Variants in SEZ6L observed in about 807,000 individuals in gnomAD.
The protein encoded by SEZ6L is seizure 6-like protein.
Under a neutral mutation model 106.2 loss-of-function variants are expected in SEZ6L, and 37 were observed. The ratio of observed to expected loss-of-function variants is 0.35; its 90% CI spans 0.27 to 0.46. SEZ6L has a LOEUF of 0.46. SEZ6L is among the 20% of genes least tolerant of loss of function. The pLI, the probability that SEZ6L is intolerant of heterozygous loss-of-function variation, is 1.00. For missense variants in SEZ6L, 1,172 were observed against 1,332.8 expected (o/e 0.88, Z 1.88); for synonymous variants, 541 against 570.4 (o/e 0.95, Z 0.73).
At chr22:26,285,248 G>A (rs1225463696) in intron 1 of SEZ6L, among the ~76,000 whole-genome samples, 1 of 152,172 alleles carries the variant, frequency 6.6e-6, no homozygotes, top group Non-Finnish European at 1.5e-5. Context: ...AGTGCAGAAT[G>A]AATGAATGAA....
intron 1 of SEZ6L, among the ~76,000 whole-genome samples, chr22:26,186,470 T>A (rs134762): frequency 1.1e-4 from 17 of 151,822 alleles, no homozygotes; most frequent in Non-Finnish European, 1.6e-4. Flanking sequence ...AAAGTTGGAA[T>A]TTATAGCCAA....
chr22:26,299,136 C>A lies in SEZ6L; in HGVS notation c.1315C>A (p.Pro439Thr). The stretch of plus-strand genomic sequence containing the variant: ...GCTGACATGCATCAATGCCTCCAAG[C>A]CGCACTGGAGCAGCCAGGAGCCCAT... ...KMLTCINASK[P>T]HWSSQEPICS... Residue 439 changes from proline (P) to threonine (T), a missense_variant, in exon 5 of 17, where the codon CCG becomes ACG. By Grantham distance (38) the Pro-to-Thr change is conservative. Around this residue, in one of 4 missense-constraint regions of SEZ6L, gnomAD observed 534 missense variants for 691.0 expected, o/e 0.77. Coordinates refer to ENST00000248933, the MANE Select transcript of SEZ6L (RefSeq NM_021115.5). The A allele has an allele frequency of 6.3e-7, 1 of 1,578,562 alleles. No individual in the cohort carries two copies. Among genetic ancestry groups the A allele is most frequent in the Non-Finnish European group, 8.6e-7 (1 of 1,161,466 alleles).
chr22:26,292,224 G>A, intron 1 of SEZ6L, 182 bp from the exon 2 acceptor site: 2 of 557,278 alleles, frequency 3.6e-6, no homozygotes, highest in Non-Finnish European at 6.3e-6. Flanking sequence ...AAGAGAAAGA[G>A]GGAGAGAGGG....
At chr22:26,269,570 G>A (rs2080297755) in intron 1 of SEZ6L, among the ~76,000 whole-genome samples, 1 of 152,208 alleles carries the variant, frequency 6.6e-6, no homozygotes, top group South Asian at 2.1e-4. Context: ...CGACGCACCA[G>A]CTCCCGTCCT....
intron 1 of SEZ6L, among the ~76,000 whole-genome samples, chr22:26,193,736 C>A (rs1359680600): frequency 6.6e-6 from 1 of 152,124 alleles, no homozygotes; most frequent in African/African-American, 2.4e-5. Flanking sequence ...ACAGACTTCC[C>A]ATGGCATTCA....
At chr22:26,266,569 T>C (rs2080192120) in intron 1 of SEZ6L, among the ~76,000 whole-genome samples, 1 of 138,058 alleles carries the variant, frequency 7.2e-6, no homozygotes, top group African/African-American at 2.8e-5. Context: ...CGAGACTCCG[T>C]CTCAAAAATA....
chr22:26,252,495 T>A (rs931019742), intron 1 of SEZ6L, among the ~76,000 whole-genome samples: 1 of 152,222 alleles, frequency 6.6e-6, no homozygotes, highest in African/African-American at 2.4e-5. Context: ...ATGCTGAGGT[T>A]TGGAGTATGA....
chr22:26,341,851 C>T (rs1032005392), intron 10 of SEZ6L, among the ~76,000 whole-genome samples: 9 of 152,200 alleles, frequency 5.9e-5, no homozygotes, highest in Admixed American at 5.2e-4. Context: ...CGTCTTTCTA[C>T]GGCCACCACT....
chr22:26,337,670 T>C (rs2082686924), intron 9 of SEZ6L, among the ~76,000 whole-genome samples: 1 of 152,108 alleles, frequency 6.6e-6, no homozygotes, highest in African/African-American at 2.4e-5. Context: ...CAGCAGGGGT[T>C]TAGGGGCTTC....
chr22:26,187,640 A>G (rs1939870707), intron 1 of SEZ6L, among the ~76,000 whole-genome samples: 1 of 152,226 alleles, frequency 6.6e-6, no homozygotes, highest in African/African-American at 2.4e-5. Flanking sequence ...TCTAGAATAC[A>G]GAAAAAGCAG....
At chr22:26,211,533 G>A (rs763567685) in intron 1 of SEZ6L, among the ~76,000 whole-genome samples, 14 of 152,238 alleles carry the variant, frequency 9.2e-5, no homozygotes, top group East Asian at 1.9e-4. Flanking sequence ...TCTACAGAGC[G>A]TTAGGCTCAA....
chr22:26,196,101 C>G (rs5997050), intron 1 of SEZ6L, among the ~76,000 whole-genome samples: 2,165 of 152,182 alleles, frequency 0.014, 48 homozygotes, highest in African/African-American at 0.05. Context: ...GGGGGTGGTC[C>G]TTCATGAATA....
intron 12 of SEZ6L, among the ~76,000 whole-genome samples, chr22:26,356,679 AATAATAATAATAATG>A (rs1164847674): frequency 1.6e-5 from 1 of 61,842 alleles, no homozygotes; most frequent in African/African-American, 4.3e-5. Context: ...TAATAATAAT[AATAATAATAATAATG>A]ACAATTGCTG....
chr22:26,228,296 C>T lies in SEZ6L; in HGVS notation c.94+58533C>T, dbSNP rs147969461. Among the ~76,000 whole-genome samples the T allele has an allele frequency of 4.0e-3, 615 of 152,246 alleles. 1 individual carries two copies. The highest frequency in any genetic ancestry group is 0.014 in the African/African-American group (579 of 41,540). ...AATGAGAGTCTGGGTCGATGAAGGG[C>T]CAGGCTGCAGGCTTGTGGCCCAAAT... On this transcript the variant is annotated intron_variant, in intron 1 of 16. Transcript: ENST00000248933.
At chr22:26,311,624 G>A (rs1356841622) in intron 7 of SEZ6L, 144 bp from the exon 8 acceptor site, 16 of 750,388 alleles carry the variant, frequency 2.1e-5, no homozygotes, top group East Asian at 9.9e-5. Context: ...TTCTCAACAC[G>A]TCAGCTGGAA....
At position 26,354,836 on chromosome 22, in the gene SEZ6L, C is replaced by T. The variant is rs773118821; in HGVS notation, c.2599+3593C>T. Among the ~76,000 whole-genome samples the T allele has an allele frequency of 3.9e-5, 6 of 152,302 alleles. No homozygotes were observed. The East Asian group carries it at 9.7e-4, about 25-fold the overall frequency. ...TTGGATCTGCAGTGCTGAGTAGAGA[C>T]GGCTTCCCTTACACCCATGCTAATG... is the stretch of plus-strand genomic sequence containing the variant. On this transcript the variant is annotated intron_variant, in intron 12 of 16. Coordinates refer to ENST00000248933, the MANE Select transcript of SEZ6L (RefSeq NM_021115.5).
intron 13 of SEZ6L, among the ~76,000 whole-genome samples, chr22:26,372,753 C>T (rs182703029): frequency 1.5e-4 from 23 of 152,118 alleles, no homozygotes; most frequent in Non-Finnish European, 2.4e-4. Flanking sequence ...GTTGAACCTC[C>T]GGAGAAGTTT....
intron 5 of SEZ6L, among the ~76,000 whole-genome samples, chr22:26,302,289 A>T (rs939719430): frequency 4.6e-5 from 7 of 152,198 alleles, no homozygotes; most frequent in African/African-American, 1.7e-4. Context: ...TCACTTTAAC[A>T]TGGCCCTTGG....
chr22:26,248,240 T>C (rs1031300861), intron 1 of SEZ6L, among the ~76,000 whole-genome samples: 1 of 152,222 alleles, frequency 6.6e-6, no homozygotes, highest in Admixed American at 6.5e-5. Flanking sequence ...TAAGCCACAA[T>C]GTCTTCATCT....
Sources: allele counts gnomAD v4.1 joint callset (sites outside exome capture counted in the v4.1 genomes callset), GRCh38; gene constraint gnomAD v4.1.1; regional missense constraint gnomAD v4.1.1; transcripts MANE v1.5; gene names NCBI Gene and HGNC (gene_info 2026-07-23, HGNC 2026-07-21).